RELN: variants seen among roughly 807,000 people sequenced by gnomAD.
RELN encodes reelin.
RELN carries 108 observed loss-of-function variants against 427.6 expected under a neutral mutation model. The observed-to-expected ratio is 0.25, with a 90% CI of 0.22 to 0.30. The LOEUF (loss-of-function observed/expected upper bound fraction) is 0.30. Ranked by LOEUF, RELN falls within the 10% of genes least tolerant of loss-of-function variation. The pLI, the probability that RELN is intolerant of heterozygous loss-of-function variation, is 1.00. For synonymous variants in RELN, 1,524 were observed against 1,513.4 expected (o/e 1.01, Z -0.16); for missense variants, 3,715 against 4,302.8 (o/e 0.86, Z 3.82).
chr7:103,893,209 C>G (rs1057146369), intron 2 of RELN, among the ~76,000 whole-genome samples: 1 of 152,118 alleles, frequency 6.6e-6, no homozygotes, highest in African/African-American at 2.4e-5. Flanking sequence ...CCAGACCCCC[C>G]AGAAATTCCT....
At chr7:103,724,176 T>C (rs1246202902) in intron 7 of RELN, among the ~76,000 whole-genome samples, 1 of 152,116 alleles carries the variant, frequency 6.6e-6, no homozygotes, top group African/African-American at 2.4e-5. Flanking sequence ...TTGCTGCTTT[T>C]TTTTTTCGTT....
At chr7:103,773,172 T>TTC (rs1398076401) in intron 4 of RELN, among the ~76,000 whole-genome samples, 4 of 116,298 alleles carry the variant, frequency 3.4e-5, no homozygotes, top group African/African-American at 1.2e-4. Context: ...TTCTTTTTCT[T>TTC]TCTTTCCTTC....
intron 2 of RELN, among the ~76,000 whole-genome samples, chr7:103,849,973 T>C (rs13223714): frequency 0.3 from 45,775 of 152,066 alleles, 7,383 homozygotes; most frequent in East Asian, 0.62. Context: ...AATTTTCCTA[T>C]GCAACTCCTT....
At chr7:103,593,025 G>C in intron 27 of RELN, among the ~76,000 whole-genome samples, 1 of 152,096 alleles carries the variant, frequency 6.6e-6, no homozygotes, top group Non-Finnish European at 1.5e-5. Context: ...TTTAGCATCT[G>C]CATCCTGCCA....
chr7:103,976,456 GA>G (rs1204714603), intron 1 of RELN, among the ~76,000 whole-genome samples: 1 of 152,196 alleles, frequency 6.6e-6, no homozygotes, highest in Non-Finnish European at 1.5e-5. Flanking sequence ...AGAAGTGGCT[GA>G]GGCAATGGCA....
intron 26 of RELN, 140 bp from the exon 27 acceptor site, chr7:103,594,022 C>T (rs531440757): frequency 1.4e-6 from 1 of 720,532 alleles, no homozygotes; most frequent in East Asian, 2.7e-5. Context: ...TTTTTTTTTA[C>T]TGCTATTAAC....
rs1043189256 is a variant in RELN, at chr7:103,824,510, C to G, written c.473+9027G>C. On this transcript the variant is annotated intron_variant, in intron 3 of 64. Coordinates refer to ENST00000428762, the MANE Select transcript of RELN (RefSeq NM_005045.4). This position sits in a 1 kb window ranked among gnomAD's most constrained non-coding sequence, Gnocchi z 4.4. ...TAGGTTAAAACTCCAGATCTAGGAC[C>G]TAAATCAGGTTTAAGAGACCTGCAG... 1.3e-5 allele frequency among the ~76,000 whole-genome samples: 2 copies of G among 151,982 alleles called. No individual in the cohort carries two copies. The highest frequency in any genetic ancestry group is 4.8e-5 in the African/African-American group (2 of 41,392).
At chr7:103,520,401 G>A (rs1413453147) in intron 48 of RELN, among the ~76,000 whole-genome samples, 1 of 151,908 alleles carries the variant, frequency 6.6e-6, no homozygotes, top group South Asian at 2.1e-4. Flanking sequence ...TCCGCCTCCC[G>A]AGTAGCTGGG....
At chr7:103,733,687 A>G (rs936282383) in intron 6 of RELN, among the ~76,000 whole-genome samples, 1 of 140,958 alleles carries the variant, frequency 7.1e-6, no homozygotes, top group Admixed American at 7.1e-5. Context: ...AACTATCTCA[A>G]GAACAAAAAA....
intron 2 of RELN, among the ~76,000 whole-genome samples, chr7:103,913,069 A>G (rs1795405809): frequency 6.6e-6 from 1 of 152,180 alleles, no homozygotes; most frequent in Non-Finnish European, 1.5e-5. Context: ...TATTGTCTTA[A>G]CGTATTTCTG....
At chr7:103,709,394 G>A (rs1415152371) in intron 8 of RELN, among the ~76,000 whole-genome samples, 2 of 152,170 alleles carry the variant, frequency 1.3e-5, no homozygotes, top group Non-Finnish European at 2.9e-5. Flanking sequence ...AAGATATGGC[G>A]ACTGCTTTAA....
chr7:103,974,050 C>T (rs994622628), intron 1 of RELN, among the ~76,000 whole-genome samples: 1 of 152,064 alleles, frequency 6.6e-6, no homozygotes, highest in Non-Finnish European at 1.5e-5. Flanking sequence ...GGCTGAGGCA[C>T]AAGAATTGCT....
At chr7:103,879,207 G>C (rs559240829) in intron 2 of RELN, among the ~76,000 whole-genome samples, 10 of 152,090 alleles carry the variant, frequency 6.6e-5, no homozygotes, top group Non-Finnish European at 1.3e-4. Context: ...AACTCTCCTA[G>C]CTTTAATTTT....
At position 103,648,873 on chromosome 7, in the gene RELN, A is replaced by G. The variant is rs558203679; in HGVS notation, c.2002+1401T>C. Reference sequence around the variant, plus strand: ...CTAATTATCAGAGAAATGCACATTAAAACCACAATGAGATACCATCTTACT... The same window carrying G: ...CTAATTATCAGAGAAATGCACATTAGAACCACAATGAGATACCATCTTACT... On this transcript the variant is annotated intron_variant, in intron 16 of 64. Coordinates refer to ENST00000428762, the MANE Select transcript of RELN (RefSeq NM_005045.4). Among the ~76,000 whole-genome samples, 7 of 152,236 alleles carry G rather than the reference A, an allele frequency of 4.6e-5. No individual in the cohort carries two copies. The South Asian group carries it at 1.5e-3, about 32-fold the overall frequency.
At chr7:103,768,238 C>T (rs1193964101) in intron 4 of RELN, among the ~76,000 whole-genome samples, 2 of 152,094 alleles carry the variant, frequency 1.3e-5, no homozygotes, top group East Asian at 1.9e-4. Context: ...TGAGGGTATA[C>T]AGCCCAGCCA....
At chr7:103,950,323 T>C (rs1796307867) in intron 1 of RELN, among the ~76,000 whole-genome samples, 1 of 152,170 alleles carries the variant, frequency 6.6e-6, no homozygotes, top group South Asian at 2.1e-4. Flanking sequence ...TCTACAGACA[T>C]AGTCACATTT....
Position 103,581,271 on chromosome 7 carries a change from A to G in RELN, c.4146-5566T>C, listed in dbSNP as rs362657. Among the ~76,000 whole-genome samples, 1,333 of 152,280 alleles carry G rather than the reference A, an allele frequency of 8.8e-3. 16 individuals carry two copies. The highest frequency in any genetic ancestry group is 0.029 in the African/African-American group (1,225 of 41,554). ...GCTGCATTTGGAATTTCTGAGGGCC[A>G]GTGACTGCTATGTGCTTCCCATTCC... On this transcript the variant is annotated intron_variant, in intron 28 of 64. Coordinates refer to ENST00000428762, the MANE Select transcript of RELN (RefSeq NM_005045.4).
intron 40 of RELN, among the ~76,000 whole-genome samples, chr7:103,552,480 G>C (rs1830434823): frequency 6.6e-6 from 1 of 150,860 alleles, no homozygotes; most frequent in Non-Finnish European, 1.5e-5. Context: ...TCGAATATAG[G>C]CACTTGTTTC....
intron 1 of RELN, among the ~76,000 whole-genome samples, chr7:103,957,867 A>T (rs889621907): frequency 6.6e-6 from 1 of 152,226 alleles, no homozygotes; most frequent in Non-Finnish European, 1.5e-5. Flanking sequence ...CCTTAATAGC[A>T]GATTTACAAA....
Sources: allele counts gnomAD v4.1 joint callset (sites outside exome capture counted in the v4.1 genomes callset), GRCh38; gene constraint gnomAD v4.1.1; non-coding constraint Gnocchi (gnomAD v3.1); transcripts MANE v1.5; gene names NCBI Gene and HGNC (gene_info 2026-07-23, HGNC 2026-07-21).